Variants in DCLK1 observed in about 807,000 individuals in gnomAD.
DCLK1 encodes the protein doublecortin like kinase 1, also known as serine/threonine-protein kinase DCLK1.
A neutral mutation model predicts 86.2 loss-of-function variants in DCLK1; 16 were observed. That is an observed-to-expected ratio of 0.19 (90% CI 0.13 to 0.28). DCLK1 has a LOEUF of 0.28. DCLK1 is among the 10% of genes least tolerant of loss of function. The pLI is 1.00. For synonymous variants in DCLK1, 369 were observed against 370.5 expected (o/e 1.00, Z 0.05); for missense variants, 590 against 940.2 (o/e 0.63, Z 4.87).
chr13:36,041,180 A>G (rs576512898), intron 3 of DCLK1, among the ~76,000 whole-genome samples: 120 of 152,294 alleles, frequency 7.9e-4, no homozygotes, highest in African/African-American at 2.8e-3. Context: ...ACTGAAAAAT[A>G]TTTCTATATG....
intron 5 of DCLK1, among the ~76,000 whole-genome samples, chr13:35,864,127 T>C (rs1299422265): frequency 6.6e-6 from 1 of 152,218 alleles, no homozygotes; most frequent in Non-Finnish European, 1.5e-5. Context: ...TGAATGTTTC[T>C]ACTCTATAAG....
intron 3 of DCLK1, among the ~76,000 whole-genome samples, chr13:36,035,583 A>G (rs1289631727): frequency 6.6e-6 from 1 of 152,170 alleles, no homozygotes. Flanking sequence ...CTGTTGCCCA[A>G]GCAGGAATGC....
At chr13:35,954,639 G>C (rs2153135110) in intron 3 of DCLK1, among the ~76,000 whole-genome samples, 1 of 152,166 alleles carries the variant, frequency 6.6e-6, no homozygotes, top group Admixed American at 6.5e-5. Flanking sequence ...ATTTATGAAA[G>C]TGATAATTTA....
chr13:36,032,844 A>C (rs1882340380), intron 3 of DCLK1, among the ~76,000 whole-genome samples: 1 of 152,238 alleles, frequency 6.6e-6, no homozygotes, highest in East Asian at 1.9e-4. Flanking sequence ...TGCAGAGTGT[A>C]AACTTGGGTG....
intron 3 of DCLK1, among the ~76,000 whole-genome samples, chr13:36,019,049 A>C (rs529634124): frequency 6.6e-6 from 1 of 152,312 alleles, no homozygotes; most frequent in South Asian, 2.1e-4. Flanking sequence ...TCTAATTGGC[A>C]TGCAAATTTA....
At chr13:35,777,636 C>T (rs1008826810) in intron 16 of DCLK1, among the ~76,000 whole-genome samples, 1 of 152,166 alleles carries the variant, frequency 6.6e-6, no homozygotes, top group Admixed American at 6.5e-5. Context: ...ACCATGTACA[C>T]AATCCCGTGT....
In DCLK1 at chr13:35,847,867, G is replaced by A. The variant is rs191101840; in HGVS notation, c.1035+6632C>T. On this transcript the variant is annotated intron_variant, in intron 6 of 16. Coordinates refer to ENST00000360631, the MANE Select transcript of DCLK1 (RefSeq NM_001330071.2). Reference sequence around the variant, plus strand: ...TGACACTTCTTAAAATTCTATGGCAGTACAGAAACTGTCTAGATTTTTCCC... The same window carrying A: ...TGACACTTCTTAAAATTCTATGGCAATACAGAAACTGTCTAGATTTTTCCC... The A allele has an allele frequency of 4.2e-3, 4,138 of 985,262 alleles. 8 individuals are homozygous for A. Among genetic ancestry groups the A allele is most frequent in the Non-Finnish European group, 4.6e-3 (3,843 of 829,836 alleles). 61.0% of individuals were successfully genotyped at this position (985,262 alleles called of 1,614,324 possible).
In DCLK1 at chr13:35,974,514, G is replaced by T. The variant is rs545994584; in HGVS notation, c.724-27057C>A. On this transcript the variant is annotated intron_variant, in intron 3 of 16. Transcript: ENST00000360631. Reference sequence around the variant, plus strand: ...GGAGGAGGGACATGGTGAGGTAATTGGATCTTGGGGGCGGATATCCCCCTT... The same window carrying T: ...GGAGGAGGGACATGGTGAGGTAATTTGATCTTGGGGGCGGATATCCCCCTT... 5.9e-5 allele frequency among the ~76,000 whole-genome samples: 9 copies of T among 152,290 alleles called. No homozygotes were observed. In the South Asian group the frequency reaches 1.2e-3, roughly 21 times the overall value.
chr13:35,997,903 A>G (rs12874830), intron 3 of DCLK1, among the ~76,000 whole-genome samples: 23,717 of 152,140 alleles, frequency 0.16, 2,130 homozygotes, highest in East Asian at 0.23. Flanking sequence ...CCAGCTTATT[A>G]CTGATATTTA....
chr13:35,979,236 A>G (rs1276746714), intron 3 of DCLK1, among the ~76,000 whole-genome samples: 1 of 152,200 alleles, frequency 6.6e-6, no homozygotes, highest in East Asian at 1.9e-4. Flanking sequence ...CGAAGTGCCA[A>G]GCGACTTTCC....
intron 10 of DCLK1, among the ~76,000 whole-genome samples, chr13:35,823,756 C>T (rs2087452841): frequency 6.6e-6 from 1 of 152,136 alleles, no homozygotes; most frequent in Non-Finnish European, 1.5e-5. Flanking sequence ...CAACTGTGAT[C>T]ATCTGTTACC....
At chr13:36,059,857 C>T (rs1883473727) in intron 3 of DCLK1, among the ~76,000 whole-genome samples, 1 of 148,190 alleles carries the variant, frequency 6.7e-6, no homozygotes, top group South Asian at 2.2e-4. Context: ...AAGATGACTT[C>T]ACTTAAATCT....
intron 11 of DCLK1, among the ~76,000 whole-genome samples, chr13:35,819,779 A>AT (rs2087350432): frequency 6.6e-6 from 1 of 151,750 alleles, no homozygotes; most frequent in African/African-American, 2.4e-5. Flanking sequence ...CTAAAGCAAT[A>AT]TAAAAAAAAA....
At chr13:35,951,266 GATGC>G (rs1274032789) in intron 3 of DCLK1, among the ~76,000 whole-genome samples, 2 of 96,144 alleles carry the variant, frequency 2.1e-5, no homozygotes, top group African/African-American at 7.3e-5. Context: ...TTAATGGATG[GATGC>G]ATGGATGGAT....
chr13:35,806,272 T>C (rs987937342), intron 14 of DCLK1, among the ~76,000 whole-genome samples: 1 of 152,156 alleles, frequency 6.6e-6, no homozygotes, highest in African/African-American at 2.4e-5. Flanking sequence ...ATTGGGTCTT[T>C]CCCCAATTCT....
chr13:35,974,264 T>C (rs932060737), intron 3 of DCLK1, among the ~76,000 whole-genome samples: 1 of 152,166 alleles, frequency 6.6e-6, no homozygotes, highest in Non-Finnish European at 1.5e-5. Flanking sequence ...GAGAGGACCT[T>C]GACACAGATG....
At chr13:35,916,468 C>T (rs996671737) in intron 4 of DCLK1, among the ~76,000 whole-genome samples, 11 of 152,148 alleles carry the variant, frequency 7.2e-5, no homozygotes, top group African/African-American at 1.4e-4. Flanking sequence ...GTTTCCTTCC[C>T]CCATGTAAGA....
intron 3 of DCLK1, among the ~76,000 whole-genome samples, chr13:36,100,807 T>A (rs780652680): frequency 9.9e-5 from 15 of 152,158 alleles, no homozygotes; most frequent in Admixed American, 3.3e-4. Flanking sequence ...TCACTCTAAT[T>A]CTGATCACTA....
chr13:35,864,564 C>CA (rs1191888940), intron 5 of DCLK1, among the ~76,000 whole-genome samples: 1,898 of 20,644 alleles, frequency 0.092, 392 homozygotes, highest in African/African-American at 0.2. Context: ...GACTCCGTCT[C>CA]AAAAAAAAAA....
Sources: gnomAD v4.1 joint callset for allele counts (sites outside exome capture counted in the v4.1 genomes callset) on GRCh38, gnomAD v4.1.1 for gene constraint, MANE v1.5 for transcripts, NCBI Gene and HGNC (gene_info 2026-07-23, HGNC 2026-07-21) for gene names.